Variants in PTPRD observed in about 807,000 individuals in gnomAD.
PTPRD encodes receptor-type tyrosine-protein phosphatase delta.
PTPRD carries 34 observed loss-of-function variants against 214.5 expected under a neutral mutation model. That is an observed-to-expected ratio of 0.16 (90% CI 0.12 to 0.21). PTPRD has a LOEUF of 0.21. PTPRD is among the 10% of genes least tolerant of loss of function. The pLI, the probability that PTPRD is intolerant of heterozygous loss-of-function variation, is 1.00. For synonymous variants in PTPRD, 1,128 were observed against 845.7 expected (o/e 1.33, Z -5.79); for missense variants, 2,545 against 2,398.7 (o/e 1.06, Z -1.27).
At chr9:9,927,167 T>C (rs192171005) in intron 5 of PTPRD, among the ~76,000 whole-genome samples, 100 of 152,280 alleles carry the variant, frequency 6.6e-4, no homozygotes, top group Non-Finnish European at 1.2e-3. Flanking sequence ...TATTAGAATA[T>C]TTAAAAGCAT....
chr9:10,607,288 G>A (rs1026060338), intron 2 of PTPRD, among the ~76,000 whole-genome samples: 27 of 152,002 alleles, frequency 1.8e-4, no homozygotes, highest in African/African-American at 6.5e-4. Flanking sequence ...GTAATATGGT[G>A]TATTGTTGAA....
chr9:9,712,792 G>T (rs755046929), intron 7 of PTPRD, among the ~76,000 whole-genome samples: 1 of 152,106 alleles, frequency 6.6e-6, no homozygotes. Context: ...CCTAAGAAAT[G>T]CCTTAAAAGT....
chr9:9,809,511 G>A lies in PTPRD; in HGVS notation c.-367-42660C>T, dbSNP rs145557492. On this transcript the variant is annotated intron_variant, in intron 5 of 45. Coordinates refer to ENST00000381196, the MANE Select transcript of PTPRD (RefSeq NM_002839.4). ...TATCTCCTGACCTCGTTATCCGCCT[G>A]CCTCGGCCTCCCAAAGTGCTGGGAT... Among the ~76,000 whole-genome samples, 454 of 152,144 alleles carry A rather than the reference G, an allele frequency of 3.0e-3. 4 individuals are homozygous for A. Among genetic ancestry groups the A allele is most frequent in the African/African-American group, 0.01 (428 of 41,518 alleles).
intron 3 of PTPRD, among the ~76,000 whole-genome samples, chr9:10,109,369 A>AT (rs1329846549): frequency 6.6e-6 from 1 of 152,164 alleles, no homozygotes; most frequent in Non-Finnish European, 1.5e-5. Flanking sequence ...GAACAAAGTA[A>AT]TTTTTCCTAA....
chr9:9,245,586 A>G (rs1399364958), intron 9 of PTPRD, among the ~76,000 whole-genome samples: 1 of 150,652 alleles, frequency 6.6e-6, no homozygotes, highest in African/African-American at 2.4e-5. Context: ...ACTTGGACAC[A>G]GGAAGGGGAA....
intron 8 of PTPRD, among the ~76,000 whole-genome samples, chr9:9,542,241 A>T (rs373018516): frequency 6.6e-6 from 1 of 151,758 alleles, no homozygotes; most frequent in African/African-American, 2.4e-5. Flanking sequence ...GAGCAACTTT[A>T]TGCCAATAAA....
intron 3 of PTPRD, among the ~76,000 whole-genome samples, chr9:10,134,103 A>T (rs892245316): frequency 2.0e-5 from 3 of 152,118 alleles, no homozygotes; most frequent in Non-Finnish European, 4.4e-5. Flanking sequence ...CACTCACAGC[A>T]ACACTACCCT....
chr9:9,543,784 C>T (rs2078135700), intron 8 of PTPRD, among the ~76,000 whole-genome samples: 1 of 151,630 alleles, frequency 6.6e-6, no homozygotes, highest in African/African-American at 2.4e-5. Flanking sequence ...TATAGTGTTG[C>T]ACACTTGATT....
chr9:8,498,959 C>T (rs141261150), intron 25 of PTPRD, among the ~76,000 whole-genome samples: 23 of 152,124 alleles, frequency 1.5e-4, no homozygotes, highest in African/African-American at 5.1e-4. Flanking sequence ...GGTTGTGATA[C>T]CATAGTTGCA....
intron 3 of PTPRD, among the ~76,000 whole-genome samples, chr9:10,239,245 G>A (rs974774539): frequency 6.6e-6 from 1 of 151,852 alleles, no homozygotes; most frequent in African/African-American, 2.4e-5. Context: ...TAGGAATACT[G>A]CTGATGATGT....
chr9:8,701,204 G>A (rs1311872092), intron 12 of PTPRD, among the ~76,000 whole-genome samples: 1 of 151,724 alleles, frequency 6.6e-6, no homozygotes, highest in Non-Finnish European at 1.5e-5. Flanking sequence ...CATAATTCAG[G>A]GGGAAAAAAA....
intron 14 of PTPRD, among the ~76,000 whole-genome samples, chr9:8,577,204 G>A (rs1349314216): frequency 6.6e-6 from 1 of 151,908 alleles, no homozygotes; most frequent in African/African-American, 2.4e-5. Flanking sequence ...CATTCTTGCT[G>A]CCTGAAAGAA....
At chr9:8,790,298 G>A (rs1409080907) in intron 11 of PTPRD, among the ~76,000 whole-genome samples, 1 of 151,950 alleles carries the variant, frequency 6.6e-6, no homozygotes, top group Admixed American at 6.6e-5. Context: ...TTACAGGTGT[G>A]AGCCGCTGCA....
intron 4 of PTPRD, among the ~76,000 whole-genome samples, chr9:9,989,600 C>T (rs1170342917): frequency 1.3e-5 from 2 of 152,116 alleles, no homozygotes; most frequent in Admixed American, 6.6e-5. Flanking sequence ...TCCATATTCA[C>T]CACCCTCCAA....
At chr9:10,221,080 A>G (rs1594614818) in intron 3 of PTPRD, among the ~76,000 whole-genome samples, 1 of 152,152 alleles carries the variant, frequency 6.6e-6, no homozygotes, top group East Asian at 1.9e-4. Flanking sequence ...ATACAGTTTC[A>G]AGCCTATGTT....
At chr9:10,571,484 G>T (rs1006475117) in intron 2 of PTPRD, among the ~76,000 whole-genome samples, 1 of 152,100 alleles carries the variant, frequency 6.6e-6, no homozygotes, top group African/African-American at 2.4e-5. Context: ...CTAGCTTTCG[G>T]AATGAGACAG....
chr9:9,451,837 A>G (rs1410597230), intron 8 of PTPRD, among the ~76,000 whole-genome samples: 1 of 151,510 alleles, frequency 6.6e-6, no homozygotes, highest in Non-Finnish European at 1.5e-5. Flanking sequence ...AATTTGCGCT[A>G]TAGATACAAC....
chr9:9,026,085 G>A (rs2099586052), intron 10 of PTPRD, among the ~76,000 whole-genome samples: 1 of 151,892 alleles, frequency 6.6e-6, no homozygotes, highest in South Asian at 2.1e-4. Context: ...TTGTGGTAGT[G>A]AATGGGCAGC....
At chr9:10,042,935 G>A (rs1335392786) in intron 3 of PTPRD, among the ~76,000 whole-genome samples, 2 of 151,884 alleles carry the variant, frequency 1.3e-5, no homozygotes, top group East Asian at 3.9e-4. Flanking sequence ...CATGTAAACA[G>A]TTGAAGAGTT....
Sources: gnomAD v4.1 joint callset for allele counts (sites outside exome capture counted in the v4.1 genomes callset) on GRCh38, gnomAD v4.1.1 for gene constraint, MANE v1.5 for transcripts, NCBI Gene and HGNC (gene_info 2026-07-23, HGNC 2026-07-21) for gene names.